The following SGCZ variants were observed in gnomAD, a reference collection of about 807,000 sequenced individuals.
SGCZ encodes the protein zeta-sarcoglycan.
SGCZ carries 40 observed loss-of-function variants against 41.3 expected under a neutral mutation model. The observed-to-expected ratio is 0.97, with a 90% CI of 0.75 to 1.26. The LOEUF is 1.26. Ranked by LOEUF, SGCZ falls within the 50% of genes most tolerant of loss-of-function variation. SGCZ has a pLI of 0.00. For missense variants in SGCZ, 552 were observed against 369.8 expected (o/e 1.49, Z -4.04); for synonymous variants, 206 against 137.5 (o/e 1.50, Z -3.49).
At chr8:14,619,153 C>A (rs184416603) in intron 1 of SGCZ, among the ~76,000 whole-genome samples, 1 of 152,182 alleles carries the variant, frequency 6.6e-6, no homozygotes, top group African/African-American at 2.4e-5. Context: ...AATCAATAAA[C>A]GTAATCCAGC....
At chr8:14,697,935 G>C (rs1470332017) in intron 1 of SGCZ, among the ~76,000 whole-genome samples, 1 of 151,878 alleles carries the variant, frequency 6.6e-6, no homozygotes, top group Non-Finnish European at 1.5e-5. Context: ...GAATCCCACA[G>C]CTAGACATTT....
chr8:14,568,384 G>A (rs546095192), intron 1 of SGCZ, among the ~76,000 whole-genome samples: 335 of 105,454 alleles, frequency 3.2e-3, no homozygotes, highest in Middle Eastern at 9.3e-3. Context: ...ATGTATCCCA[G>A]AACTTAAATT....
At position 14,229,018 on chromosome 8, in the gene SGCZ, C is replaced by T. The variant is rs537067459; in HGVS notation, c.424+8574G>A. Reference sequence around the variant, plus strand: ...TAGAACTGCAGTGATTGATGTTAAACAAGGGCATAGGGTACTTGGAAAGAG... The same window carrying T: ...TAGAACTGCAGTGATTGATGTTAAATAAGGGCATAGGGTACTTGGAAAGAG... On this transcript the variant is annotated intron_variant, in intron 4 of 7. Coordinates refer to ENST00000382080, the MANE Select transcript of SGCZ (RefSeq NM_139167.4). 2.0e-5 allele frequency among the ~76,000 whole-genome samples: 3 copies of T among 152,188 alleles called. No homozygotes were observed. The South Asian group carries it at 6.2e-4, about 32-fold the overall frequency.
intron 1 of SGCZ, among the ~76,000 whole-genome samples, chr8:14,965,726 T>G (rs909329566): frequency 2.0e-5 from 3 of 152,120 alleles, no homozygotes; most frequent in Non-Finnish European, 2.9e-5. Context: ...AATTTTCAAA[T>G]CTGTATTAAT....
intron 1 of SGCZ, among the ~76,000 whole-genome samples, chr8:14,809,448 G>A (rs1269792275): frequency 6.6e-6 from 1 of 152,192 alleles, no homozygotes; most frequent in Non-Finnish European, 1.5e-5. Context: ...AAAACACAAA[G>A]TGTCCTGAAG....
chr8:14,513,744 T>C (rs1049023574), intron 2 of SGCZ, among the ~76,000 whole-genome samples: 1 of 152,138 alleles, frequency 6.6e-6, no homozygotes, highest in Non-Finnish European at 1.5e-5. Flanking sequence ...TGTGGCTTTT[T>C]CTTCTTGTTT....
intron 3 of SGCZ, among the ~76,000 whole-genome samples, chr8:14,268,359 A>G (rs961583599): frequency 6.7e-6 from 1 of 150,122 alleles, no homozygotes; most frequent in East Asian, 1.9e-4. Flanking sequence ...ATATATGTGT[A>G]TATATATATA....
intron 5 of SGCZ, among the ~76,000 whole-genome samples, chr8:14,138,605 T>A (rs1192941953): frequency 6.6e-6 from 1 of 151,442 alleles, no homozygotes; most frequent in African/African-American, 2.4e-5. Context: ...GGGCATTACA[T>A]AATGGTAAAG....
intron 2 of SGCZ, among the ~76,000 whole-genome samples, chr8:14,549,593 G>A (rs879295782): frequency 2.0e-5 from 3 of 152,058 alleles, no homozygotes; most frequent in Non-Finnish European, 4.4e-5. Context: ...AATAAGAACA[G>A]CTTCTGCTCC....
chr8:15,205,040 T>C (rs1026780363), intron 1 of SGCZ, among the ~76,000 whole-genome samples: 1 of 152,162 alleles, frequency 6.6e-6, no homozygotes, highest in African/African-American at 2.4e-5. Context: ...AAAATTCAAT[T>C]CTAAAAAAAG....
At chr8:14,229,077 G>C (rs558480534) in intron 4 of SGCZ, among the ~76,000 whole-genome samples, 1 of 152,210 alleles carries the variant, frequency 6.6e-6, no homozygotes, top group South Asian at 2.1e-4. Flanking sequence ...AAGATGACCA[G>C]CCAAACCGTC....
At chr8:15,157,494 T>G (rs11989320) in intron 1 of SGCZ, among the ~76,000 whole-genome samples, 8 of 136,592 alleles carry the variant, frequency 5.9e-5, no homozygotes, top group African/African-American at 2.8e-4. Context: ...ACAACAACAA[T>G]GACAACAAGA....
intron 1 of SGCZ, among the ~76,000 whole-genome samples, chr8:14,601,709 A>T (rs1805594826): frequency 6.6e-6 from 1 of 152,252 alleles, no homozygotes; most frequent in Non-Finnish European, 1.5e-5. Context: ...ATGTGAGAAC[A>T]TCTATAAGGA....
chr8:14,247,779 G>T (rs1439917692), intron 3 of SGCZ, among the ~76,000 whole-genome samples: 1 of 152,170 alleles, frequency 6.6e-6, no homozygotes, highest in African/African-American at 2.4e-5. Context: ...CCTATCCACT[G>T]TGAGTGCTAC....
chr8:14,309,167 G>GA (rs1235353990), intron 3 of SGCZ: 3 of 1,477,498 alleles, frequency 2.0e-6, no homozygotes, highest in Non-Finnish European at 2.8e-6. Flanking sequence ...TTTTAAAAAC[G>GA]AAAAAAGCAA....
chr8:14,524,727 T>C (rs1802888500), intron 2 of SGCZ, among the ~76,000 whole-genome samples: 1 of 152,132 alleles, frequency 6.6e-6, no homozygotes, highest in African/African-American at 2.4e-5. Flanking sequence ...CGGTTTTTAA[T>C]CGTACTTAGT....
rs777992437 is a variant in SGCZ, at chr8:14,086,762, G to A, written c.*3681C>T. Among the ~76,000 whole-genome samples the A allele has an allele frequency of 1.3e-5, 2 of 151,776 alleles. No individual in the cohort carries two copies. The highest frequency in any genetic ancestry group is 3.4e-3 in the Middle Eastern group (1 of 294). On this transcript the variant is annotated 3_prime_UTR_variant, in exon 8 of 8. Transcript: ENST00000382080. ...GGGAGTATAAAAAAGAGCATAGGAAGTAGCGTGCCAAAAAGGTTTGTATTT... is the reference window on the plus strand; with the variant it reads ...GGGAGTATAAAAAAGAGCATAGGAAATAGCGTGCCAAAAAGGTTTGTATTT...
At chr8:14,595,165 C>T (rs957166726) in intron 1 of SGCZ, among the ~76,000 whole-genome samples, 3 of 151,976 alleles carry the variant, frequency 2.0e-5, no homozygotes, top group Non-Finnish European at 4.4e-5. Flanking sequence ...TTCAAGTGTC[C>T]CCCTAGACTA....
chr8:14,654,362 C>T (rs1807494305), intron 1 of SGCZ, among the ~76,000 whole-genome samples: 1 of 152,012 alleles, frequency 6.6e-6, no homozygotes. Context: ...CACTGTGCCT[C>T]ATTTTACCTA....
Sources: gnomAD v4.1 joint callset for allele counts (sites outside exome capture counted in the v4.1 genomes callset) on GRCh38, gnomAD v4.1.1 for gene constraint, MANE v1.5 for transcripts, NCBI Gene and HGNC (gene_info 2026-07-23, HGNC 2026-07-21) for gene names.